TADA2A: variants seen among roughly 807,000 people sequenced by gnomAD.
TADA2A encodes transcriptional adapter 2-alpha.
TADA2A carries 38 observed loss-of-function variants against 67.4 expected under a neutral mutation model. The ratio of observed to expected loss-of-function variants is 0.56; its 90% CI spans 0.44 to 0.74. TADA2A has a LOEUF of 0.74. Ranked by LOEUF, TADA2A falls within the 30% of genes least tolerant of loss-of-function variation. The pLI is 0.00. For synonymous variants in TADA2A, 192 were observed against 181.6 expected, an observed-to-expected ratio of 1.06 and a Z score of -0.46; for missense variants, 454 against 547.0, an observed-to-expected ratio of 0.83 and a Z score of 1.70.
chr17:37,425,639 T>C (rs2052381943), intron 3 of TADA2A, among the ~76,000 whole-genome samples: 1 of 152,012 alleles, frequency 6.6e-6, no homozygotes, highest in Non-Finnish European at 1.5e-5. Flanking sequence ...AGATGAATCT[T>C]GATTTCAGAG....
At chr17:37,474,241 A>G (rs2148052149) in intron 14 of TADA2A, among the ~76,000 whole-genome samples, 1 of 152,308 alleles carries the variant, frequency 6.6e-6, no homozygotes, top group African/African-American at 2.4e-5. Context: ...CCTGTCTCAA[A>G]AATAATAATA....
At chr17:37,445,687 T>A (rs1236429760) in intron 8 of TADA2A, among the ~76,000 whole-genome samples, 1 of 151,486 alleles carries the variant, frequency 6.6e-6, no homozygotes, top group African/African-American at 2.4e-5. Flanking sequence ...TTTGAGTCCC[T>A]TTTTTCCTTC....
Position 37,462,260 on chromosome 17 carries a change from T to A in TADA2A, c.712+139T>A, listed in dbSNP as rs997269779. On this transcript the variant is annotated intron_variant, in intron 10 of 15. Coordinates refer to ENST00000615182, the MANE Select transcript of TADA2A (RefSeq NM_001166105.3). ...ACTCCAGACTAATGAAGTAAGAATC[T>A]CTGGGGTTGGAGGCACAGCACCTGC... is the stretch of plus-strand genomic sequence containing the variant. 6.8e-6 allele frequency: 4 copies of A among 591,028 alleles called. No individual in the cohort carries two copies. The Admixed American group carries it at 1.5e-4, about 21-fold the overall frequency. 36.6% of individuals were successfully genotyped at this position (591,028 alleles called of 1,614,324 possible). A position where few individuals can be genotyped will look rare whatever the true frequency, so the allele number is the denominator to read the frequency against.
At chr17:37,458,128 C>G (rs1181538238) in intron 8 of TADA2A, among the ~76,000 whole-genome samples, 1 of 152,124 alleles carries the variant, frequency 6.6e-6, no homozygotes, top group Admixed American at 6.6e-5. Flanking sequence ...CTCTATGTGT[C>G]CGTGTGTTCT....
At chr17:37,466,002 T>C (rs570512279) in intron 11 of TADA2A, among the ~76,000 whole-genome samples, 150 of 152,330 alleles carry the variant, frequency 9.8e-4, no homozygotes, top group Non-Finnish European at 1.5e-3. Flanking sequence ...AAAAGTAGTT[T>C]TAAAAATGAG....
chr17:37,448,382 C>A (rs2053140160), intron 8 of TADA2A, among the ~76,000 whole-genome samples: 1 of 152,156 alleles, frequency 6.6e-6, no homozygotes, highest in Non-Finnish European at 1.5e-5. Flanking sequence ...CAAATGTATA[C>A]TGCAAGTGAA....
chr17:37,409,684 T>C (rs2051798262), intron 1 of TADA2A, among the ~76,000 whole-genome samples: 1 of 151,644 alleles, frequency 6.6e-6, no homozygotes, highest in Non-Finnish European at 1.5e-5. Context: ...GGAGACTCGC[T>C]TGAACCCGGG....
chr17:37,448,411 TAAGG>T (rs2053140909), intron 8 of TADA2A, among the ~76,000 whole-genome samples: 1 of 152,218 alleles, frequency 6.6e-6, no homozygotes, highest in Admixed American at 6.5e-5. Context: ...CAAGGAAAAA[TAAGG>T]AAGTTCCGTG....
At chr17:37,439,509 C>T (rs1346926953) in intron 5 of TADA2A, among the ~76,000 whole-genome samples, 1 of 152,092 alleles carries the variant, frequency 6.6e-6, no homozygotes, top group African/African-American at 2.4e-5. Context: ...TCTCGAACTC[C>T]TGAGTTCAAG....
chr17:37,465,401 TG>T (rs2053642660), intron 10 of TADA2A, 29 bp from the exon 11 acceptor site: 1 of 1,530,716 alleles, frequency 6.5e-7, no homozygotes, highest in East Asian at 2.3e-5. Context: ...ACATTTCCCA[TG>T]ACACATTTAT....
At position 37,429,228 on chromosome 17, in the gene TADA2A, C is replaced by T. The variant is rs182655854; in HGVS notation, c.192+2219C>T. ...GTGCTGGGATTACAGGTGTGAGCCA[C>T]CACAGCAGGCACCTCAACTATGTAT... On this transcript the variant is annotated intron_variant, in intron 4 of 15. Transcript: ENST00000615182. 4.1e-3 allele frequency among the ~76,000 whole-genome samples: 625 copies of T among 152,026 alleles called. 2 individuals carry two copies. The highest frequency in any genetic ancestry group is 0.014 in the African/African-American group (589 of 41,478).
At chr17:37,456,788 T>G (rs927920050) in intron 8 of TADA2A, among the ~76,000 whole-genome samples, 8 of 152,116 alleles carry the variant, frequency 5.3e-5, no homozygotes, top group African/African-American at 1.9e-4. Context: ...TTTATAGGAC[T>G]AAGGTGAGGG....
At chr17:37,454,871 G>T in intron 8 of TADA2A, 1 of 222,486 alleles carries the variant, frequency 4.5e-6, no homozygotes, top group Non-Finnish European at 9.8e-6. Context: ...TGCTGCTAAG[G>T]CAGCATCTAC....
At chr17:37,411,155 T>C in intron 1 of TADA2A, 114 bp from the exon 2 acceptor site, 4 of 589,378 alleles carry the variant, frequency 6.8e-6, no homozygotes, top group Non-Finnish European at 1.2e-5. Flanking sequence ...GTGGAATAAT[T>C]TTTCAACATT....
chr17:37,415,764 C>T (rs2052022667), intron 2 of TADA2A, among the ~76,000 whole-genome samples: 2 of 151,446 alleles, frequency 1.3e-5, no homozygotes, highest in South Asian at 4.2e-4. Flanking sequence ...ATCCCAGCTA[C>T]TCAGGAGGCT....
chr17:37,441,710 A>G (rs2052922948), intron 6 of TADA2A, among the ~76,000 whole-genome samples: 1 of 143,074 alleles, frequency 7.0e-6, no homozygotes, highest in South Asian at 2.2e-4. Flanking sequence ...TGTGTCTCCC[A>G]GGCTGGAGTG....
At position 37,423,556 on chromosome 17, in the gene TADA2A, A is replaced by G. The variant is rs561407972; in HGVS notation, c.73A>G (p.Met25Val). The G allele has an allele frequency of 1.7e-5, 27 of 1,613,260 alleles. No homozygotes were observed. Among genetic ancestry groups the G allele is most frequent in the Non-Finnish European group, 2.1e-5 (25 of 1,179,860 alleles). The change falls in exon 3 of 16, where the codon ATG becomes GTG. Residue 25 changes from methionine to valine, a missense_variant. By Grantham distance (21) the Met-to-Val change is conservative (BLOSUM62 1). Around this residue, in one of 2 missense-constraint regions of TADA2A, gnomAD observed 403 missense variants for 455.5 expected, o/e 0.88. Transcript: ENST00000615182. Reference protein sequence around the residue: ...PPCRGCSSYLMEPYIKCAECG... With the variant: ...PPCRGCSSYLVEPYIKCAECG... ...TTGCCGAGGCTGCTCCTCCTACCTC[A>G]TGGAGCCTTATATCAAGTGTGCTGA...
intron 2 of TADA2A, among the ~76,000 whole-genome samples, chr17:37,414,345 C>T (rs181822527): frequency 1.4e-3 from 217 of 151,982 alleles, no homozygotes; most frequent in African/African-American, 5.0e-3. Flanking sequence ...ATCCTTATAG[C>T]GTACTCTCAT....
chr17:37,418,436 G>A (rs937144333), intron 2 of TADA2A, among the ~76,000 whole-genome samples: 1 of 152,084 alleles, frequency 6.6e-6, no homozygotes, highest in African/African-American at 2.4e-5. Context: ...CTCCCTAGGG[G>A]GGAGTTGAGT....
Sources: allele counts gnomAD v4.1 joint callset (sites outside exome capture counted in the v4.1 genomes callset), GRCh38; gene constraint gnomAD v4.1.1; regional missense constraint gnomAD v4.1.1; transcripts MANE v1.5; gene names NCBI Gene and HGNC (gene_info 2026-07-23, HGNC 2026-07-21).